The following TBC1D8 variants were observed in gnomAD, a reference collection of about 807,000 sequenced individuals.
TBC1D8 encodes the protein TBC1 domain family member 8, also known as BUB2-like protein 1.
In TBC1D8, 65 loss-of-function variants were observed where a neutral mutation model predicts 118.8. The observed-to-expected ratio is 0.55, with a 90% CI of 0.45 to 0.67. The LOEUF is 0.67. TBC1D8 is among the 30% of genes least tolerant of loss of function. The probability of loss-of-function intolerance (pLI) is 0.00; values close to 1 mark genes in which losing one functional copy is unlikely to be tolerated. For missense variants in TBC1D8, 1,376 were observed against 1,471.2 expected (o/e 0.94, Z 1.06); for synonymous variants, 566 against 595.8 (o/e 0.95, Z 0.73).
chr2:101,135,853 T>C (rs1678834349), intron 1 of TBC1D8, among the ~76,000 whole-genome samples: 1 of 152,214 alleles, frequency 6.6e-6, no homozygotes, highest in East Asian at 1.9e-4. Flanking sequence ...GATGTTTGTC[T>C]CATACAGGTC....
chr2:101,134,566 G>T (rs1200645505), intron 1 of TBC1D8, among the ~76,000 whole-genome samples: 1 of 152,108 alleles, frequency 6.6e-6, no homozygotes, highest in East Asian at 1.9e-4. Flanking sequence ...TCTCTTCTTG[G>T]CTTGCAGACA....
intron 2 of TBC1D8, among the ~76,000 whole-genome samples, chr2:101,080,845 C>A (rs970924114): frequency 6.6e-6 from 1 of 151,642 alleles, no homozygotes; most frequent in Non-Finnish European, 1.5e-5. Flanking sequence ...TACAGTAGCA[C>A]GATCCCAGTT....
intron 5 of TBC1D8, among the ~76,000 whole-genome samples, chr2:101,042,628 A>G (rs1399061506): frequency 1.3e-5 from 2 of 152,216 alleles, no homozygotes; most frequent in Non-Finnish European, 2.9e-5. Flanking sequence ...TAAAATTTCC[A>G]GACAGAGATG....
chr2:101,050,615 T>A lies in TBC1D8; in HGVS notation c.658A>T (p.Ile220Phe). Residue 220 changes from isoleucine (I) to phenylalanine (F), a missense_variant, in exon 5 of 20, where the codon ATC (isoleucine) becomes TTC (phenylalanine). By Grantham distance (21) the Ile-to-Phe change is conservative. Coordinates refer to ENST00000409318, the MANE Select transcript of TBC1D8 (RefSeq NM_001330348.2). ...ELKLVVPWVD[I>F]QKLERTSNVF... ...TTGGACGTTCTTTCTAATTTCTGGA[T>A]ATCAACCCACGGAACCACAAGTTTA... is the stretch of plus-strand genomic sequence containing the variant. 1 of 1,613,930 alleles carries A rather than the reference T, an allele frequency of 6.2e-7. No homozygotes were observed. Among genetic ancestry groups the A allele is most frequent in the Non-Finnish European group, 8.5e-7 (1 of 1,179,874 alleles).
intron 1 of TBC1D8, among the ~76,000 whole-genome samples, chr2:101,144,457 G>A (rs1679241450): frequency 1.3e-5 from 2 of 152,152 alleles, no homozygotes; most frequent in Admixed American, 1.3e-4. Context: ...ATGCTGCAGG[G>A]TCTGTGCTTA....
chr2:101,015,654 G>A (rs1015978653), intron 17 of TBC1D8, among the ~76,000 whole-genome samples: 18 of 152,182 alleles, frequency 1.2e-4, no homozygotes, highest in Middle Eastern at 3.4e-3. Context: ...GAGGCATCAC[G>A]CTACGTGACT....
In TBC1D8 at chr2:101,028,405, GTCC is replaced by G; in HGVS notation, c.2247_2249del (p.Glu749del). The G allele has an allele frequency of 6.3e-7, 1 of 1,598,382 alleles. No individual in the cohort carries two copies. Among genetic ancestry groups the G allele is most frequent in the Admixed American group, 1.7e-5 (1 of 57,730 alleles). On this transcript the variant is annotated inframe_deletion, in exon 13 of 20. Coordinates refer to ENST00000409318, the MANE Select transcript of TBC1D8 (RefSeq NM_001330348.2). ...GGCTGCCAACTGGGGGCCCTGGGCT[GTCC>G]TCATTCTTAATGTGATCTAGAAACC...
chr2:101,114,244 C>T lies in TBC1D8; in HGVS notation c.128-23880G>A, dbSNP rs577741727. ...ACATTTCTATCTTTGATAACAGAGG[C>T]ATAAAATTATATCTAGTTTGCTACA... On this transcript the variant is annotated intron_variant, in intron 1 of 19. Transcript: ENST00000409318. 3.9e-5 allele frequency among the ~76,000 whole-genome samples: 6 copies of T among 152,206 alleles called. No homozygotes were observed. The East Asian group carries it at 1.2e-3, about 29-fold the overall frequency.
chr2:101,040,938 A>T (rs1681350135), intron 5 of TBC1D8, among the ~76,000 whole-genome samples: 1 of 152,258 alleles, frequency 6.6e-6, no homozygotes, highest in South Asian at 2.1e-4. Context: ...GCAGTAATTT[A>T]ATAAACTCAC....
At chr2:101,089,212 T>A (rs190203287) in intron 2 of TBC1D8, among the ~76,000 whole-genome samples, 61 of 152,250 alleles carry the variant, frequency 4.0e-4, no homozygotes, top group East Asian at 3.7e-3. Context: ...AATTTTTTTT[T>A]ATTTAAATCT....
intron 2 of TBC1D8, among the ~76,000 whole-genome samples, chr2:101,063,178 A>G (rs1004670347): frequency 1.3e-5 from 2 of 152,222 alleles, no homozygotes; most frequent in Non-Finnish European, 1.5e-5. Context: ...GTCTTCCTCA[A>G]TGATAACTTT....
intron 5 of TBC1D8, among the ~76,000 whole-genome samples, chr2:101,046,830 C>A (rs982579624): frequency 1.3e-5 from 2 of 152,074 alleles, no homozygotes; most frequent in African/African-American, 4.8e-5. Flanking sequence ...TATAAACCGG[C>A]GAAAGAGCCT....
At chr2:101,111,003 C>CAGAACAAA (rs1677554431) in intron 1 of TBC1D8, among the ~76,000 whole-genome samples, 1 of 148,402 alleles carries the variant, frequency 6.7e-6, no homozygotes, top group Non-Finnish European at 1.5e-5. Context: ...AAAAAAGAAC[C>CAGAACAAA]AGAACAAAGA....
At position 101,038,663 on chromosome 2, in the gene TBC1D8, A is replaced by G. The variant is rs749704738; in HGVS notation, c.1081-8T>C. 4.3e-6 allele frequency: 7 copies of G among 1,613,502 alleles called. No homozygotes were observed. The East Asian group carries it at 1.3e-4, about 31-fold the overall frequency. ...CTTCTCGATGCTCACCACCTGCGCGAGAGGCAACATGCAGGGACAGAAGGG... is the reference window on the plus strand; with the variant it reads ...CTTCTCGATGCTCACCACCTGCGCGGGAGGCAACATGCAGGGACAGAAGGG... On this transcript the variant is annotated splice_region_variant and splice_polypyrimidine_tract_variant and intron_variant, in intron 6 of 19. Transcript: ENST00000409318.
chr2:101,087,104 A>G (rs1025166346), intron 2 of TBC1D8, among the ~76,000 whole-genome samples: 1 of 151,798 alleles, frequency 6.6e-6, no homozygotes, highest in African/African-American at 2.4e-5. Flanking sequence ...ATGTTTTAAG[A>G]AAGTTTACTA....
At chr2:101,140,257 G>A (rs1679042324) in intron 1 of TBC1D8, among the ~76,000 whole-genome samples, 1 of 152,084 alleles carries the variant, frequency 6.6e-6, no homozygotes, top group South Asian at 2.1e-4. Context: ...CTGAGAGAGG[G>A]AATAAAATCC....
At chr2:101,106,218 G>T (rs1677203831) in intron 1 of TBC1D8, among the ~76,000 whole-genome samples, 1 of 152,166 alleles carries the variant, frequency 6.6e-6, no homozygotes, top group South Asian at 2.1e-4. Flanking sequence ...GAGGGAAAAG[G>T]TTAAATTAGT....
chr2:101,032,081 T>C (rs874047), intron 11 of TBC1D8, among the ~76,000 whole-genome samples, 187 bp downstream of exon 11: 1,639 of 152,352 alleles, frequency 0.011, 21 homozygotes, highest in Middle Eastern at 0.041. Context: ...TTTATTCCAC[T>C]ACATTGTCAG....
intron 4 of TBC1D8, among the ~76,000 whole-genome samples, chr2:101,053,835 A>C (rs1043986511): frequency 6.6e-6 from 1 of 152,246 alleles, no homozygotes; most frequent in African/African-American, 2.4e-5. Context: ...TGATAACACT[A>C]TGTTTTCTAA....
Sources: gnomAD v4.1 joint callset for allele counts (sites outside exome capture counted in the v4.1 genomes callset) on GRCh38, gnomAD v4.1.1 for gene constraint, MANE v1.5 for transcripts, NCBI Gene and HGNC (gene_info 2026-07-23, HGNC 2026-07-21) for gene names.